The following HERC3 variants were observed in gnomAD, a reference collection of about 807,000 sequenced individuals.
The protein encoded by HERC3 is HECT and RLD domain containing E3 ubiquitin protein ligase 3.
Under a neutral mutation model 129.9 loss-of-function variants are expected in HERC3, and 58 were observed. The ratio of observed to expected loss-of-function variants is 0.45; its 90% CI spans 0.36 to 0.56. HERC3 has a LOEUF of 0.56. Ranked by LOEUF, HERC3 falls within the 20% of genes least tolerant of loss-of-function variation. The probability of loss-of-function intolerance (pLI) is 0.00; values close to 1 mark genes in which losing one functional copy is unlikely to be tolerated. For missense variants in HERC3, 835 were observed against 1,244.2 expected (o/e 0.67, Z 4.95); for synonymous variants, 430 against 451.0 (o/e 0.95, Z 0.59).
chr4:88,687,414 A>C (rs1733597991), intron 23 of HERC3, 115 bp downstream of exon 23: 2 of 510,952 alleles, frequency 3.9e-6, no homozygotes, highest in Non-Finnish European at 6.8e-6. Context: ...CAGAGGAGGT[A>C]AGTAAGGGTG....
chr4:88,683,056 C>A (rs555365764), intron 21 of HERC3, among the ~76,000 whole-genome samples: 1 of 152,274 alleles, frequency 6.6e-6, no homozygotes, highest in African/African-American at 2.4e-5. Context: ...TTTTGATTTG[C>A]ATTTCTCTGA....
the HERC3 span, among the ~76,000 whole-genome samples, chr4:88,582,921 T>C: frequency 6.6e-6 from 1 of 152,210 alleles, no homozygotes; most frequent in South Asian, 2.1e-4. Flanking sequence ...AGAGGGTATT[T>C]AAACTTCAAC....
chr4:88,534,587 C>T, the HERC3 span, among the ~76,000 whole-genome samples: 1 of 151,878 alleles, frequency 6.6e-6, no homozygotes, highest in African/African-American at 2.4e-5. Context: ...TTTCCCCAAA[C>T]GTCTACCATT....
At chr4:88,651,070 G>T (rs1729222718) in intron 4 of HERC3, among the ~76,000 whole-genome samples, 2 of 152,178 alleles carry the variant, frequency 1.3e-5, no homozygotes, top group Non-Finnish European at 1.5e-5. Context: ...ATTTTGTGGG[G>T]AGAGGAAGAG....
intron 11 of HERC3, 142 bp downstream of exon 11, chr4:88,662,697 T>C (rs1163942905): frequency 1.1e-6 from 1 of 897,746 alleles, no homozygotes; most frequent in East Asian, 2.7e-5. Flanking sequence ...TTATTTTTGG[T>C]TACTATTTCA....
At chr4:88,620,103 A>G (rs1725350574) in intron 3 of HERC3, among the ~76,000 whole-genome samples, 1 of 152,242 alleles carries the variant, frequency 6.6e-6, no homozygotes, top group Non-Finnish European at 1.5e-5. Flanking sequence ...AGCATAAGGA[A>G]ATGTTTCTAA....
intron 14 of HERC3, 74 bp downstream of exon 14, chr4:88,668,155 G>A: frequency 8.8e-7 from 1 of 1,142,130 alleles, no homozygotes; most frequent in Non-Finnish European, 1.3e-6. Context: ...GCTCTCAGTG[G>A]ATTGAGATCC....
chr4:88,657,173 T>G (rs1203001496), intron 9 of HERC3: 1 of 152,206 alleles, frequency 6.6e-6, no homozygotes, highest in Non-Finnish European at 1.5e-5. Context: ...TTGAAGTCGA[T>G]AAAGTGACAC....
chr4:88,697,631 C>G, intron 23 of HERC3: 2 of 1,613,850 alleles, frequency 1.2e-6, no homozygotes, highest in Non-Finnish European at 1.7e-6. Context: ...TCAGGGTCAC[C>G]AGCCGCGCTG....
chr4:88,633,950 G>A (rs1480997756), intron 3 of HERC3, among the ~76,000 whole-genome samples: 1 of 152,160 alleles, frequency 6.6e-6, no homozygotes. Flanking sequence ...CGAGGGGGGC[G>A]GGGCCGAGAT....
chr4:88,677,920 C>T (rs370673031), intron 18 of HERC3, 44 bp from the exon 19 acceptor site: 3 of 1,572,668 alleles, frequency 1.9e-6, no homozygotes, highest in African/African-American at 1.3e-5. Flanking sequence ...TCCCAACTCA[C>T]ACGTGTGCTC....
At chr4:88,523,875 G>C in the HERC3 span, 4 of 604,652 alleles carry the variant, frequency 6.6e-6, no homozygotes, top group African/African-American at 7.9e-5. Flanking sequence ...TGCTCCGACT[G>C]CTTTTCCCAC....
At position 88,662,413 on chromosome 4, in the gene HERC3, T is replaced by C; in HGVS notation, c.1147-18T>C. On this transcript the variant is annotated intron_variant, in intron 10 of 25. Transcript: ENST00000402738. ...GCTACATAATTTCTTCTTTTTACTGTTACATTTAATTCTCCAGAATTATTC... is the reference window on the plus strand; with the variant it reads ...GCTACATAATTTCTTCTTTTTACTGCTACATTTAATTCTCCAGAATTATTC... 1 of 1,595,820 alleles carries C rather than the reference T, an allele frequency of 6.3e-7. No homozygotes were observed.
chr4:88,637,362 CT>C (rs1307802018), intron 3 of HERC3, among the ~76,000 whole-genome samples: 1 of 151,406 alleles, frequency 6.6e-6, no homozygotes, highest in Non-Finnish European at 1.5e-5. Context: ...GGAGGCAGAG[CT>C]TGCAGTGAGC....
At position 88,685,325 on chromosome 4, in the gene HERC3, T is replaced by C. The variant is rs150811205; in HGVS notation, c.2508-1411T>C. Among the ~76,000 whole-genome samples the C allele has an allele frequency of 5.2e-3, 798 of 152,304 alleles. 5 individuals are homozygous for C. Among genetic ancestry groups the C allele is most frequent in the Non-Finnish European group, 8.0e-3 (544 of 68,034 alleles). On this transcript the variant is annotated intron_variant, in intron 21 of 25. Transcript: ENST00000402738. ...ATGTTTATTGCAGCACTATTTACAA[T>C]AGCAAAGACTTGGAATCAACCCAAA...
rs538829482 is a variant in HERC3 at position 88,679,352 on chromosome 4, T to C, written c.2197-741T>C. ...TGCAGCAGTTACTTCAAGAACCCTATTGAGCGTGATTTCTCCCAGAAAGTG... is the reference window on the plus strand; with the variant it reads ...TGCAGCAGTTACTTCAAGAACCCTACTGAGCGTGATTTCTCCCAGAAAGTG... On this transcript the variant is annotated intron_variant, in intron 19 of 25. Coordinates refer to ENST00000402738, the MANE Select transcript of HERC3 (RefSeq NM_014606.3). 1.3e-3 allele frequency among the ~76,000 whole-genome samples: 201 copies of C among 152,314 alleles called. 1 individual carries two copies. Among genetic ancestry groups the C allele is most frequent in the African/African-American group, 4.7e-3 (194 of 41,582 alleles).
the HERC3 span, among the ~76,000 whole-genome samples, chr4:88,528,616 C>A: frequency 6.6e-6 from 1 of 152,116 alleles, no homozygotes; most frequent in Non-Finnish European, 1.5e-5. Context: ...GCTCATGGGA[C>A]CATTGTCACA....
chr4:88,649,756 G>T (rs755923007), intron 3 of HERC3, 84 bp from the exon 4 acceptor site: 25 of 1,157,302 alleles, frequency 2.2e-5, no homozygotes, highest in Non-Finnish European at 2.9e-5. Context: ...AAATAAAACT[G>T]CCCAGGAAGA....
upstream of HERC3, among the ~76,000 whole-genome samples, chr4:88,592,168 C>T (rs1442701778): frequency 2.6e-5 from 4 of 152,260 alleles, no homozygotes; most frequent in Non-Finnish European, 2.9e-5. Flanking sequence ...GTCCAGCTCG[C>T]TTCCCCGCCA....
Sources: allele counts gnomAD v4.1 joint callset (sites outside exome capture counted in the v4.1 genomes callset), GRCh38; gene constraint gnomAD v4.1.1; transcripts MANE v1.5; gene names NCBI Gene and HGNC (gene_info 2026-07-23, HGNC 2026-07-21).